Variants in TUFT1 observed in about 807,000 individuals in gnomAD.
The protein encoded by TUFT1 is tuftelin.
Under a neutral mutation model 57.8 loss-of-function variants are expected in TUFT1, and 43 were observed. The ratio of observed to expected loss-of-function variants is 0.74; its 90% CI spans 0.58 to 0.96. TUFT1 has a LOEUF of 0.96. TUFT1 is among the 40% of genes least tolerant of loss of function. The pLI, the probability that TUFT1 is intolerant of heterozygous loss-of-function variation, is 0.00. For synonymous variants in TUFT1, 166 were observed against 176.7 expected, an observed-to-expected ratio of 0.94 and a Z score of 0.48; for missense variants, 459 against 489.0, an observed-to-expected ratio of 0.94 and a Z score of 0.58.
At chr1:151,547,304 G>C (rs1665370902) in intron 1 of TUFT1, among the ~76,000 whole-genome samples, 1 of 152,234 alleles carries the variant, frequency 6.6e-6, no homozygotes, top group Non-Finnish European at 1.5e-5. Flanking sequence ...TTTGCCCATA[G>C]TTCTCCAGGG....
chr1:151,575,147 A>T, intron 9 of TUFT1, 142 bp downstream of exon 9: 1 of 750,064 alleles, frequency 1.3e-6, no homozygotes. Flanking sequence ...ACTCACCGTG[A>T]GCTTGCTCAG....
At chr1:151,545,237 G>A (rs1665295979) in intron 1 of TUFT1, among the ~76,000 whole-genome samples, 1 of 152,080 alleles carries the variant, frequency 6.6e-6, no homozygotes, top group Non-Finnish European at 1.5e-5. Context: ...ATGTACCCAG[G>A]AGGTGGCGGT....
intron 8 of TUFT1, 77 bp from the exon 9 acceptor site, chr1:151,574,834 C>A (rs1666400001): frequency 7.8e-7 from 1 of 1,284,272 alleles, no homozygotes; most frequent in Non-Finnish European, 1.1e-6. Flanking sequence ...TGAGTCCCAG[C>A]CTGGCGCCCA....
intron 1 of TUFT1, 90 bp downstream of exon 1, chr1:151,540,516 AT>A (rs1665127022): frequency 1.4e-6 from 2 of 1,465,420 alleles, no homozygotes; most frequent in Non-Finnish European, 1.9e-6. Context: ...GTTGGCTGAC[AT>A]CACCTGGTGC....
intron 7 of TUFT1, among the ~76,000 whole-genome samples, chr1:151,570,428 T>C (rs1013535679): frequency 6.6e-6 from 1 of 151,864 alleles, no homozygotes; most frequent in African/African-American, 2.4e-5. Flanking sequence ...ACTACAGGCA[T>C]GCGCCACCAT....
intron 1 of TUFT1, among the ~76,000 whole-genome samples, chr1:151,554,006 T>G (rs958930658): frequency 2.7e-5 from 4 of 147,158 alleles, no homozygotes; most frequent in African/African-American, 9.8e-5. Flanking sequence ...TCTATTGGGC[T>G]GCATGTCTGG....
Position 151,579,670 on chromosome 1 carries a change from A to T in TUFT1, c.946A>T (p.Ile316Phe), listed in dbSNP as rs779053056. ...IEQLQNSKAV[I>F]QSKDATIQEL... ...GCAGCTCCAGAATTCAAAAGCTGTGATCCAGTCAAAGGACGCCACCATCCA... is the reference window on the plus strand; with the variant it reads ...GCAGCTCCAGAATTCAAAAGCTGTGTTCCAGTCAAAGGACGCCACCATCCA... The change falls in exon 11 of 13, where the codon ATC becomes TTC. Residue 316 changes from isoleucine (I) to phenylalanine (F), a missense_variant. Coordinates refer to ENST00000368849, the MANE Select transcript of TUFT1 (RefSeq NM_020127.3). 1 of 1,614,068 alleles carries T rather than the reference A, an allele frequency of 6.2e-7. No homozygotes were observed. The highest frequency in any genetic ancestry group is 8.5e-7 in the Non-Finnish European group (1 of 1,179,996).
At position 151,581,681 on chromosome 1, in the gene TUFT1, C is replaced by T; in HGVS notation, c.1147C>T (p.Pro383Ser). 6.2e-7 allele frequency: 1 copy of T among 1,614,200 alleles called. No individual in the cohort carries two copies. Among genetic ancestry groups the T allele is most frequent in the Non-Finnish European group, 8.5e-7 (1 of 1,180,046 alleles). The stretch of plus-strand genomic sequence containing the variant: ...CAAGCCGCCTAGCCCGAAGCCCATG[C>T]CTGTCATCCGAGTGGTGGAAACCTG... ...ISKPPSPKPM[P>S]VIRVVET Residue 383 changes from proline to serine, a missense_variant, in exon 13 of 13, where the codon CCT becomes TCT. Transcript: ENST00000368849.
At chr1:151,544,644 T>G (rs1037601619) in intron 1 of TUFT1, among the ~76,000 whole-genome samples, 1 of 152,238 alleles carries the variant, frequency 6.6e-6, no homozygotes, top group Non-Finnish European at 1.5e-5. Flanking sequence ...TTGCCCAGGC[T>G]GGAGTGCAAC....
chr1:151,577,366 T>C (rs778062830), intron 9 of TUFT1, among the ~76,000 whole-genome samples: 1 of 152,118 alleles, frequency 6.6e-6, no homozygotes, highest in African/African-American at 2.4e-5. Context: ...CTTGGTCTTT[T>C]CACTAGCCCC....
chr1:151,545,735 C>T (rs1266810138), intron 1 of TUFT1: 2 of 451,540 alleles, frequency 4.4e-6, no homozygotes, highest in Non-Finnish European at 9.5e-6. Flanking sequence ...GATCCAGGTC[C>T]CTCAACCAGT....
chr1:151,564,490 C>T (rs772332188), intron 4 of TUFT1, 35 bp from the exon 5 acceptor site: 104 of 1,550,646 alleles, frequency 6.7e-5, no homozygotes, highest in Non-Finnish European at 7.2e-5. Context: ...TCTTTCTCTA[C>T]CCTAAAGCTC....
intron 9 of TUFT1, among the ~76,000 whole-genome samples, chr1:151,575,498 C>G (rs1666434060): frequency 6.6e-6 from 1 of 152,144 alleles, no homozygotes; most frequent in African/African-American, 2.4e-5. Flanking sequence ...CTGAGAACCA[C>G]CTGTCAGCAG....
At position 151,569,731 on chromosome 1, in the gene TUFT1, G is replaced by A. The variant is rs1446362772; in HGVS notation, c.555G>A (p.Glu185=). 3.7e-6 allele frequency: 6 copies of A among 1,614,106 alleles called. No individual in the cohort carries two copies. Among genetic ancestry groups the A allele is most frequent in the Non-Finnish European group, 5.1e-6 (6 of 1,179,980 alleles). ...TVQDLLAKLQ[E]AKRQHQSDCV... ...AGGACTTGCTGGCCAAGCTTCAGGA[G>A]GCCAAGCGGCAACACCAGTCAGACT... Residue 185 remains glutamate, a synonymous_variant, in exon 7 of 13, where the codon GAG becomes GAA. Coordinates refer to ENST00000368849, the MANE Select transcript of TUFT1 (RefSeq NM_020127.3).
At chr1:151,562,040 C>A (rs1364937071) in intron 1 of TUFT1, 51 bp from the exon 2 acceptor site, 2 of 1,583,062 alleles carry the variant, frequency 1.3e-6, no homozygotes, top group Admixed American at 1.7e-5. Flanking sequence ...CAGTTTGTAC[C>A]TGTAGACTGT....
At position 151,582,108 on chromosome 1, in the gene TUFT1, G is replaced by T. The variant is rs1666663335; in HGVS notation, c.*401G>T. The T allele has an allele frequency of 2.1e-6, 1 of 475,588 alleles. No individual in the cohort carries two copies. Among genetic ancestry groups the T allele is most frequent in the Non-Finnish European group, 4.2e-6 (1 of 240,156 alleles). The allele number at this position is 475,588 out of a possible 1,614,324, so 29.5% of individuals were successfully genotyped here. A position where few individuals can be genotyped will look rare whatever the true frequency, so the allele number is the denominator to read the frequency against. The stretch of plus-strand genomic sequence containing the variant: ...TAAAAGCTGGAGACACAGATGTCCA[G>T]AGTGATTGGAGAATGTCCTGGGGGA... On this transcript the variant is annotated 3_prime_UTR_variant, in exon 13 of 13. Transcript: ENST00000368849.
chr1:151,578,572 C>A, intron 9 of TUFT1, 149 bp from the exon 10 acceptor site: 1 of 558,690 alleles, frequency 1.8e-6, no homozygotes, highest in Non-Finnish European at 3.1e-6. Flanking sequence ...TTCTAAGGTA[C>A]CCACCACCTA....
chr1:151,553,915 A>G (rs1294256365), intron 1 of TUFT1, among the ~76,000 whole-genome samples: 3 of 152,126 alleles, frequency 2.0e-5, no homozygotes, highest in Non-Finnish European at 4.4e-5. Context: ...TGCCTAATGA[A>G]GTTGAACCCC....
chr1:151,571,090 G>A (rs1474000804), intron 7 of TUFT1, among the ~76,000 whole-genome samples: 1 of 152,210 alleles, frequency 6.6e-6, no homozygotes, highest in Non-Finnish European at 1.5e-5. Flanking sequence ...TATTCTTTGT[G>A]TTATAAATAT....
Sources: gnomAD v4.1 joint callset for allele counts (sites outside exome capture counted in the v4.1 genomes callset) on GRCh38, gnomAD v4.1.1 for gene constraint, MANE v1.5 for transcripts, NCBI Gene and HGNC (gene_info 2026-07-23, HGNC 2026-07-21) for gene names.